Variants in PCDH15 observed in about 807,000 individuals in gnomAD.
PCDH15 encodes the protein protocadherin-15.
In PCDH15, 129 loss-of-function variants were observed where a neutral mutation model predicts 178.5. That is an observed-to-expected ratio of 0.72 (90% CI 0.63 to 0.84). PCDH15 has a LOEUF of 0.84. PCDH15 is among the 40% of genes least tolerant of loss of function. PCDH15 has a pLI of 0.00. For missense variants in PCDH15, 2,230 were observed against 2,099.9 expected, an observed-to-expected ratio of 1.06 and a Z score of -1.21; for synonymous variants, 800 against 732.0, an observed-to-expected ratio of 1.09 and a Z score of -1.50.
chr10:55,374,120 AAT>A (rs1565071510), intron 2 of PCDH15, among the ~76,000 whole-genome samples: 4 of 150,138 alleles, frequency 2.7e-5, no homozygotes, highest in African/African-American at 9.8e-5. Context: ...TAATAATAAT[AAT>A]AAAAGAATGG....
chr10:55,179,554 C>A (rs763948188), intron 1 of PCDH15, among the ~76,000 whole-genome samples: 12 of 110,354 alleles, frequency 1.1e-4, no homozygotes, highest in Admixed American at 4.4e-4. Context: ...CACTCCCCCC[C>A]ATTCTAAGCC....
At chr10:54,025,996 T>C (rs1371503436) in intron 18 of PCDH15, among the ~76,000 whole-genome samples, 2 of 152,148 alleles carry the variant, frequency 1.3e-5, no homozygotes, top group Admixed American at 6.6e-5. Context: ...AACCTTGATA[T>C]ATGTGTGTGC....
intron 21 of PCDH15, among the ~76,000 whole-genome samples, chr10:53,962,264 C>T (rs1373922658): frequency 6.6e-6 from 1 of 152,072 alleles, no homozygotes; most frequent in African/African-American, 2.4e-5. Context: ...GGCTGGAGTG[C>T]AGTGGCATCA....
Position 55,137,536 on chromosome 10 carries a change from GTTT to G in PCDH15, c.-80+29037_-80+29039del, listed in dbSNP as rs10532707. ...TGATGCATGACTGTAACAGATTCGGGTTTTTTTTTTTTAAGGGTAAATCACTGA... is the reference window on the plus strand; with the variant it reads ...TGATGCATGACTGTAACAGATTCGGGTTTTTTTTTAAGGGTAAATCACTGA... On this transcript the variant is annotated intron_variant, in intron 2 of 5. Transcript: ENST00000458638. Among the ~76,000 whole-genome samples, 7 of 150,084 alleles carry G rather than the reference GTTT, an allele frequency of 4.7e-5. No homozygotes were observed. In the East Asian group the frequency reaches 5.9e-4, roughly 13 times the overall value.
At chr10:54,412,280 A>T (rs1396097913) in intron 3 of PCDH15, among the ~76,000 whole-genome samples, 1 of 150,208 alleles carries the variant, frequency 6.7e-6, no homozygotes, top group Non-Finnish European at 1.5e-5. Context: ...AAAATTATAT[A>T]TATGTTAAGT....
chr10:54,317,305 G>T lies in PCDH15; in HGVS notation c.842C>A (p.Thr281Asn). The change falls in exon 8 of 38, where the codon ACT becomes AAT. Residue 281 changes from threonine (T) to asparagine (N), a missense_variant. Thr to Asn is a moderately conservative substitution (Grantham distance 65). Coordinates refer to ENST00000644397, the MANE Select transcript of PCDH15 (RefSeq NM_001384140.1). ...VPNTRDCRPL[T>N]YQAAIPELRT... Reference sequence around the variant, plus strand: ...CAACTCAGGTATGGCAGCTTGATAAGTGAGTGGACGGCAATCACGAGTGTT... The same window carrying T: ...CAACTCAGGTATGGCAGCTTGATAATTGAGTGGACGGCAATCACGAGTGTT... The T allele has an allele frequency of 6.2e-7, 1 of 1,613,914 alleles. No homozygotes were observed. The highest frequency in any genetic ancestry group is 8.5e-7 in the Non-Finnish European group (1 of 1,179,880).
intron 2 of PCDH15, among the ~76,000 whole-genome samples, chr10:55,563,419 CTT>C (rs1414792069): frequency 6.6e-6 from 1 of 151,708 alleles, no homozygotes; most frequent in Non-Finnish European, 1.5e-5. Context: ...TAATAAAAGT[CTT>C]TAAGTTTACA....
At chr10:54,569,202 T>G (rs1451714492) in intron 2 of PCDH15, among the ~76,000 whole-genome samples, 2 of 152,086 alleles carry the variant, frequency 1.3e-5, no homozygotes, top group African/African-American at 4.8e-5. Context: ...TATTGAACTT[T>G]TTATAAAATT....
intron 2 of PCDH15, among the ~76,000 whole-genome samples, chr10:55,471,929 T>C (rs1425018572): frequency 6.6e-6 from 1 of 152,166 alleles, no homozygotes; most frequent in Non-Finnish European, 1.5e-5. Context: ...GTTTATGCCC[T>C]GGGAAAAGTG....
chr10:55,188,087 A>G (rs1239090077), intron 1 of PCDH15, among the ~76,000 whole-genome samples: 1 of 151,946 alleles, frequency 6.6e-6, no homozygotes, highest in Non-Finnish European at 1.5e-5. Flanking sequence ...AGGTAAAATC[A>G]ATAGAATTTG....
At chr10:54,098,444 C>T (rs2136127120) in intron 15 of PCDH15, among the ~76,000 whole-genome samples, 1 of 152,130 alleles carries the variant, frequency 6.6e-6, no homozygotes, top group South Asian at 2.1e-4. Context: ...TATGAATAAA[C>T]TATATGAAAC....
intron 2 of PCDH15, among the ~76,000 whole-genome samples, chr10:55,056,881 G>A (rs183466056): frequency 7.5e-4 from 114 of 151,898 alleles, no homozygotes; most frequent in African/African-American, 2.5e-3. Context: ...CAGTCCACCC[G>A]CCTCAACCTC....
chr10:55,580,351 T>C, intron 2 of PCDH15, among the ~76,000 whole-genome samples: 1 of 142,196 alleles, frequency 7.0e-6, no homozygotes, highest in Non-Finnish European at 1.5e-5. Flanking sequence ...TCATTTTTTT[T>C]ATTTTTTTAT....
chr10:54,562,588 C>G (rs909870862), intron 2 of PCDH15, among the ~76,000 whole-genome samples: 2 of 152,048 alleles, frequency 1.3e-5, no homozygotes, highest in Non-Finnish European at 2.9e-5. Flanking sequence ...GGCATGAAGA[C>G]ATTAGTTTCA....
intron 34 of PCDH15, among the ~76,000 whole-genome samples, chr10:53,817,316 G>T (rs2076095358): frequency 6.6e-6 from 1 of 151,952 alleles, no homozygotes; most frequent in Admixed American, 6.6e-5. Context: ...AATACTACTG[G>T]CCAGAATGCC....
chr10:54,117,020 G>C (rs531247857), intron 15 of PCDH15, among the ~76,000 whole-genome samples: 1 of 152,012 alleles, frequency 6.6e-6, no homozygotes, highest in Non-Finnish European at 1.5e-5. Context: ...GTGTTGCTTC[G>C]CCAGCTGGAA....
chr10:55,393,266 A>G (rs187398543), intron 2 of PCDH15, among the ~76,000 whole-genome samples: 5 of 152,194 alleles, frequency 3.3e-5, no homozygotes, highest in Admixed American at 3.3e-4. Flanking sequence ...GATTCGGTAG[A>G]TCTGGAGGGG....
chr10:55,464,525 T>G (rs1166352631), intron 2 of PCDH15, among the ~76,000 whole-genome samples: 1 of 151,644 alleles, frequency 6.6e-6, no homozygotes, highest in Non-Finnish European at 1.5e-5. Context: ...CATGGGTGTT[T>G]GAAAGTGGAA....
chr10:55,443,833 A>T (rs1276044273), intron 2 of PCDH15, among the ~76,000 whole-genome samples: 1 of 152,150 alleles, frequency 6.6e-6, no homozygotes, highest in African/African-American at 2.4e-5. Context: ...ACACATGCAC[A>T]TGTATGTTTA....
Sources: gnomAD v4.1 joint callset for allele counts (sites outside exome capture counted in the v4.1 genomes callset) on GRCh38, gnomAD v4.1.1 for gene constraint, MANE v1.5 for transcripts, NCBI Gene and HGNC (gene_info 2026-07-23, HGNC 2026-07-21) for gene names.